The following RMST variants were observed in gnomAD, a reference collection of about 807,000 sequenced individuals.
RMST encodes the protein long intergenic non-protein coding RNA 54.
chr12:97,555,076 A>G (rs1478369757), intron 11 of RMST, among the ~76,000 whole-genome samples: 2 of 152,196 alleles, frequency 1.3e-5, no homozygotes, highest in African/African-American at 2.4e-5. Context: ...GCAGGGTTGG[A>G]ATGGGTCATC....
In RMST at chr12:97,463,215, G is replaced by A. The variant is rs537951347; in HGVS notation, n.510G>A. The A allele has an allele frequency of 3.3e-5, 5 of 152,138 alleles. No homozygotes were observed. In the East Asian group the frequency reaches 6.0e-4, roughly 18 times the overall value. The allele number at this position is 152,138 out of a possible 1,614,324, so 9.4% of individuals were successfully genotyped here. On this transcript the variant is annotated non_coding_transcript_exon_variant, in exon 4 of 14. Coordinates refer to ENST00000640149, the Ensembl canonical transcript of RMST. ...GGCACAGAGCAGTACACACAGTGGA[G>A]CCGATTTCCGCGATGGCGAGAGGGG...
At chr12:97,478,310 C>T (rs914341605) in intron 5 of RMST, among the ~76,000 whole-genome samples, 3 of 152,158 alleles carry the variant, frequency 2.0e-5, no homozygotes, top group Admixed American at 2.0e-4. Flanking sequence ...CTATAAAACA[C>T]ATTTTGATTT....
intron 10 of RMST, among the ~76,000 whole-genome samples, chr12:97,505,317 A>G (rs549922344): frequency 1.2e-4 from 19 of 152,360 alleles, no homozygotes; most frequent in Middle Eastern, 3.4e-3. Context: ...CAGTCTCGTC[A>G]AATAAGTGGC....
chr12:97,504,432 C>T (rs560179316), intron 10 of RMST, among the ~76,000 whole-genome samples: 1 of 147,512 alleles, frequency 6.8e-6, no homozygotes, highest in South Asian at 2.1e-4. Flanking sequence ...AAAGAATGCA[C>T]AGATGCACAA....
chr12:97,525,111 T>G (rs1880953574), intron 10 of RMST, among the ~76,000 whole-genome samples: 1 of 152,198 alleles, frequency 6.6e-6, no homozygotes, highest in Non-Finnish European at 1.5e-5. Context: ...TTGAAATGGC[T>G]TTAGAATTGT....
At chr12:97,504,650 A>G (rs1878473029) in intron 10 of RMST, among the ~76,000 whole-genome samples, 1 of 152,160 alleles carries the variant, frequency 6.6e-6, no homozygotes, top group Non-Finnish European at 1.5e-5. Flanking sequence ...AGGGATTCTG[A>G]GAATTGTATT....
chr12:97,494,360 T>C (rs1211086859), intron 8 of RMST, among the ~76,000 whole-genome samples: 3 of 151,930 alleles, frequency 2.0e-5, no homozygotes, highest in Non-Finnish European at 4.4e-5. Flanking sequence ...ATAATTTGAG[T>C]TTTAGTAATT....
intron 5 of RMST, among the ~76,000 whole-genome samples, chr12:97,466,277 A>T (rs1292907353): frequency 6.6e-6 from 1 of 152,080 alleles, no homozygotes; most frequent in Admixed American, 6.5e-5. Context: ...CAAATAATTG[A>T]TTTTTGAAGG....
At chr12:97,547,917 T>G (rs902538113) in intron 11 of RMST, among the ~76,000 whole-genome samples, 5 of 152,132 alleles carry the variant, frequency 3.3e-5, no homozygotes, top group Non-Finnish European at 5.9e-5. Flanking sequence ...ATTTGTCTAT[T>G]TTTGCTCTTG....
intron 10 of RMST, among the ~76,000 whole-genome samples, chr12:97,518,020 G>T (rs1880116830): frequency 6.6e-6 from 1 of 151,984 alleles, no homozygotes; most frequent in Admixed American, 6.6e-5. Flanking sequence ...ATTTATGGAT[G>T]ATTTATTAAT....
intron 5 of RMST, among the ~76,000 whole-genome samples, chr12:97,467,507 A>T (rs1873337422): frequency 1.3e-5 from 2 of 152,046 alleles, no homozygotes; most frequent in Non-Finnish European, 2.9e-5. Context: ...TCAGAATATA[A>T]TATTGCTGAA....
rs1302595938 is a variant in RMST at position 97,525,484 on chromosome 12, T to A, written n.1341-5171T>A. On this transcript the variant is annotated intron_variant and non_coding_transcript_variant, in intron 10 of 13. Transcript: ENST00000640149. The stretch of plus-strand genomic sequence containing the variant: ...CTCTTTTTAAAAATTATTACATTTG[T>A]TCCTGGTTTAAAAGGAGAGCTACAT... 2.0e-5 allele frequency among the ~76,000 whole-genome samples: 3 copies of A among 152,276 alleles called. No homozygotes were observed. The East Asian group carries it at 5.8e-4, about 29-fold the overall frequency.
chr12:97,493,336 A>T (rs1877055005), intron 7 of RMST: 1 of 152,662 alleles, frequency 6.6e-6, no homozygotes, highest in African/African-American at 2.4e-5. Context: ...ATATGACACA[A>T]TTAACAGAGG....
At chr12:97,491,973 C>T (rs1431906233) in intron 5 of RMST, 1 of 533,080 alleles carries the variant, frequency 1.9e-6, no homozygotes, top group Non-Finnish European at 3.9e-6. Context: ...CCAGTGTAGA[C>T]ATGGCCTGAT....
intron 10 of RMST, among the ~76,000 whole-genome samples, chr12:97,526,369 G>C (rs1881114474): frequency 1.3e-5 from 2 of 151,968 alleles, no homozygotes; most frequent in South Asian, 4.2e-4. Flanking sequence ...CATTTTAATG[G>C]CTGCATGGCA....
chr12:97,475,796 A>G (rs1177214356), intron 5 of RMST, among the ~76,000 whole-genome samples: 1 of 152,178 alleles, frequency 6.6e-6, no homozygotes, highest in African/African-American at 2.4e-5. Context: ...AGGAAAGGAC[A>G]TGCAGGTTTC....
intron 11 of RMST, among the ~76,000 whole-genome samples, chr12:97,552,841 T>C (rs1883397606): frequency 6.6e-6 from 1 of 152,224 alleles, no homozygotes; most frequent in Non-Finnish European, 1.5e-5. Context: ...GCTTTGTTAG[T>C]AGAAGAGTTT....
chr12:97,522,921 T>G (rs929436898), intron 10 of RMST, among the ~76,000 whole-genome samples: 2 of 152,170 alleles, frequency 1.3e-5, no homozygotes, highest in African/African-American at 4.8e-5. Flanking sequence ...ATATCCAAAT[T>G]TGATTATTTT....
chr12:97,465,263 C>A (rs573633417), intron 4 of RMST, among the ~76,000 whole-genome samples: 3 of 152,240 alleles, frequency 2.0e-5, no homozygotes, highest in East Asian at 3.9e-4. Context: ...CTGCTACGGG[C>A]GGCTCTGTCG....
Sources: allele counts gnomAD v4.1 joint callset (sites outside exome capture counted in the v4.1 genomes callset), GRCh38; gene constraint gnomAD v4.1.1; transcripts MANE v1.5; gene names NCBI Gene and HGNC (gene_info 2026-07-23, HGNC 2026-07-21).